Variants in RELN observed in about 807,000 individuals in gnomAD.
The protein encoded by RELN is reelin.
RELN carries 108 observed loss-of-function variants against 427.6 expected under a neutral mutation model. That is an observed-to-expected ratio of 0.25 (90% CI 0.22 to 0.30). The LOEUF (loss-of-function observed/expected upper bound fraction) is 0.30. RELN is among the 10% of genes least tolerant of loss of function. The pLI, the probability that RELN is intolerant of heterozygous loss-of-function variation, is 1.00. For synonymous variants in RELN, 1,524 were observed against 1,513.4 expected, an observed-to-expected ratio of 1.01 and a Z score of -0.16; for missense variants, 3,715 against 4,302.8, an observed-to-expected ratio of 0.86 and a Z score of 3.82.
intron 6 of RELN, among the ~76,000 whole-genome samples, chr7:103,733,684 T>G (rs7807229): frequency 3.1e-5 from 4 of 128,470 alleles, no homozygotes; most frequent in South Asian, 2.6e-4. Context: ...GTAAACTATC[T>G]CAAGAACAAA....
chr7:103,755,702 G>T (rs138818910), intron 4 of RELN, among the ~76,000 whole-genome samples: 7,134 of 145,974 alleles, frequency 0.049, 566 homozygotes, highest in African/African-American at 0.17. Context: ...TGTAGTCCCA[G>T]CTACTCAGGA....
chr7:103,743,978 C>G (rs368850287), intron 6 of RELN, among the ~76,000 whole-genome samples: 5 of 152,100 alleles, frequency 3.3e-5, no homozygotes, highest in South Asian at 2.1e-4. Context: ...CAGCACCACA[C>G]CACACCTATT....
At chr7:103,519,299 T>C (rs1393921523) in intron 49 of RELN, 24 bp downstream of exon 49, 3 of 1,572,974 alleles carry the variant, frequency 1.9e-6, no homozygotes, top group Non-Finnish European at 2.6e-6. Context: ...GTACTCGTTA[T>C]TAGATATCAA....
intron 19 of RELN, among the ~76,000 whole-genome samples, chr7:103,633,598 C>T (rs1832516918): frequency 1.3e-5 from 2 of 151,970 alleles, no homozygotes; most frequent in Admixed American, 1.3e-4. Context: ...GAAAAGCTAC[C>T]TTGATTCTTA....
chr7:103,829,866 T>A (rs1793233986), intron 3 of RELN, among the ~76,000 whole-genome samples: 1 of 152,028 alleles, frequency 6.6e-6, no homozygotes, highest in Non-Finnish European at 1.5e-5. Context: ...AAAAGGATTT[T>A]AAATAGGTAA....
chr7:103,889,080 G>A (rs1465270208), intron 2 of RELN, among the ~76,000 whole-genome samples: 4 of 152,328 alleles, frequency 2.6e-5, no homozygotes, highest in East Asian at 1.9e-4. Context: ...AAAATGCAGA[G>A]GCCAAAACAG....
chr7:103,538,937 G>A (rs2117126119), intron 45 of RELN, 141 bp downstream of exon 45: 1 of 878,654 alleles, frequency 1.1e-6, no homozygotes, highest in East Asian at 2.6e-5. Flanking sequence ...GTATTTTCAA[G>A]AGTACAGTGT....
chr7:103,536,667 G>C (rs902548279), intron 45 of RELN, among the ~76,000 whole-genome samples: 2 of 152,166 alleles, frequency 1.3e-5, no homozygotes, highest in African/African-American at 4.8e-5. Context: ...CCTGATTCTT[G>C]AAATGTTCTT....
chr7:103,490,903 T>C, intron 58 of RELN, 74 bp from the exon 59 acceptor site: 1 of 1,462,106 alleles, frequency 6.8e-7, no homozygotes, highest in Admixed American at 1.8e-5. Flanking sequence ...AGGTAATGCT[T>C]TGTGATCGGG....
At chr7:103,482,783 C>G in intron 63 of RELN, 90 bp downstream of exon 63, 2 of 1,599,528 alleles carry the variant, frequency 1.3e-6, no homozygotes, top group Non-Finnish European at 1.7e-6. Flanking sequence ...TCATCAAAAA[C>G]GGATCTTACT....
At chr7:103,623,713 T>C (rs907981271) in intron 20 of RELN, among the ~76,000 whole-genome samples, 1 of 152,182 alleles carries the variant, frequency 6.6e-6, no homozygotes, top group Non-Finnish European at 1.5e-5. Flanking sequence ...AACCAAAAGG[T>C]AGCAGAAGGA....
intron 42 of RELN, among the ~76,000 whole-genome samples, chr7:103,544,166 T>C (rs1159081191): frequency 6.6e-6 from 1 of 151,516 alleles, no homozygotes; most frequent in Non-Finnish European, 1.5e-5. Context: ...TAAAATGTAT[T>C]GTAAAACCAT....
chr7:103,671,851 T>C (rs990048900), intron 11 of RELN, among the ~76,000 whole-genome samples: 1 of 152,170 alleles, frequency 6.6e-6, no homozygotes, highest in Non-Finnish European at 1.5e-5. Flanking sequence ...TAAGTGGTTG[T>C]TTTACTTTAA....
rs1828314767 is a variant in RELN at position 103,483,522 on chromosome 7, G to T, written c.10181+131C>A. The T allele has an allele frequency of 8.6e-6, 8 of 932,836 alleles. 1 individual carries two copies. The Admixed American group carries it at 1.2e-4, about 14-fold the overall frequency. 57.8% of individuals were successfully genotyped at this position (932,836 alleles called of 1,614,324 possible). On this transcript the variant is annotated intron_variant, in intron 62 of 64. Transcript: ENST00000428762. ...ACTTTGGAGATCTGGGTTAGTCTTC[G>T]TTCTGCCACCACCTAGTTTTGTGGC...
At chr7:103,572,605 C>A (rs1435877289) in intron 30 of RELN, among the ~76,000 whole-genome samples, 1 of 147,500 alleles carries the variant, frequency 6.8e-6, no homozygotes, top group South Asian at 2.2e-4. Flanking sequence ...GGCGTGATCT[C>A]GACTCACTGC....
At chr7:103,813,512 C>T (rs1024496674) in intron 3 of RELN, among the ~76,000 whole-genome samples, 1 of 150,146 alleles carries the variant, frequency 6.7e-6, no homozygotes, top group African/African-American at 2.4e-5. Flanking sequence ...TTACTTTTGT[C>T]TTATACTTAA....
chr7:103,581,004 G>A (rs1831118361), intron 28 of RELN, among the ~76,000 whole-genome samples: 1 of 152,154 alleles, frequency 6.6e-6, no homozygotes, highest in African/African-American at 2.4e-5. Flanking sequence ...AGAGTACAAG[G>A]GGTGCACAGC....
Position 103,890,177 on chromosome 7 carries a change from G to T in RELN, c.337+26898C>A, listed in dbSNP as rs1794814836. 3.4e-5 allele frequency among the ~76,000 whole-genome samples: 5 copies of T among 147,060 alleles called. No individual in the cohort carries two copies. The Admixed American group carries it at 3.5e-4, about 10-fold the overall frequency. Reference sequence around the variant, plus strand: ...ATACTGCAGTTATACCTATGTCTTGGATCTGCATAGGCACTCTGAACTTTT... The same window carrying T: ...ATACTGCAGTTATACCTATGTCTTGTATCTGCATAGGCACTCTGAACTTTT... On this transcript the variant is annotated intron_variant, in intron 2 of 64. Transcript: ENST00000428762.
intron 16 of RELN, among the ~76,000 whole-genome samples, chr7:103,648,657 A>G (rs889540153): frequency 6.6e-6 from 1 of 152,124 alleles, no homozygotes; most frequent in Non-Finnish European, 1.5e-5. Context: ...CAGACAACCT[A>G]CAGATTGGGA....
Sources: allele counts gnomAD v4.1 joint callset (sites outside exome capture counted in the v4.1 genomes callset), GRCh38; gene constraint gnomAD v4.1.1; transcripts MANE v1.5; gene names NCBI Gene and HGNC (gene_info 2026-07-23, HGNC 2026-07-21).